GLIS3: variants seen among roughly 807,000 people sequenced by gnomAD.
The protein encoded by GLIS3 is zinc finger protein GLIS3.
A neutral mutation model predicts 78.6 loss-of-function variants in GLIS3; 53 were observed. The observed-to-expected ratio is 0.67, with a 90% CI of 0.54 to 0.85. The LOEUF (loss-of-function observed/expected upper bound fraction) is 0.85, where lower values mean the gene tolerates loss of function less well. Among genes scored for constraint, GLIS3 ranks in the 40% least tolerant of loss-of-function variants. The pLI, the probability that GLIS3 is intolerant of heterozygous loss-of-function variation, is 0.00. For synonymous variants in GLIS3, 684 were observed against 509.9 expected (o/e 1.34, Z -4.60); for missense variants, 1,703 against 1,231.1 (o/e 1.38, Z -5.74).
intron 4 of GLIS3, among the ~76,000 whole-genome samples, chr9:3,992,290 T>A (rs1187468726): frequency 6.6e-6 from 1 of 152,194 alleles, no homozygotes; most frequent in African/African-American, 2.4e-5. Context: ...TTCATTTCAG[T>A]TATATGAAAT....
At chr9:4,457,466 T>C in the GLIS3 span, among the ~76,000 whole-genome samples, 1 of 152,106 alleles carries the variant, frequency 6.6e-6, no homozygotes. Flanking sequence ...TAGCTGAACA[T>C]CTTTCACTCT....
chr9:3,970,448 A>T (rs1277445931), intron 4 of GLIS3, among the ~76,000 whole-genome samples: 1 of 152,208 alleles, frequency 6.6e-6, no homozygotes, highest in Admixed American at 6.5e-5. Context: ...GGGCAAACAA[A>T]TGCATTATTT....
the GLIS3 span, among the ~76,000 whole-genome samples, chr9:4,355,884 TG>T: frequency 6.6e-6 from 1 of 152,162 alleles, no homozygotes. Flanking sequence ...GGGAAAGTCC[TG>T]GGGGCAATGA....
intron 2 of GLIS3, among the ~76,000 whole-genome samples, chr9:4,189,497 A>G (rs1262870558): frequency 9.9e-5 from 15 of 152,066 alleles, no homozygotes; most frequent in Non-Finnish European, 2.9e-5. Context: ...AGTTCTGTAG[A>G]TGTCTATTAG....
At chr9:4,049,815 G>A (rs1194706842) in intron 4 of GLIS3, among the ~76,000 whole-genome samples, 1 of 152,126 alleles carries the variant, frequency 6.6e-6, no homozygotes, top group African/African-American at 2.4e-5. Flanking sequence ...CTCGAAAGAA[G>A]ACATTTATGC....
At chr9:4,093,800 T>C (rs1829715874) in intron 4 of GLIS3, among the ~76,000 whole-genome samples, 1 of 152,292 alleles carries the variant, frequency 6.6e-6, no homozygotes, top group South Asian at 2.1e-4. Flanking sequence ...TATTTTTAAA[T>C]TTTAGGCCAT....
intron 2 of GLIS3, 103 bp downstream of exon 2, chr9:4,285,935 A>G (rs1827948932): frequency 7.3e-7 from 1 of 1,366,024 alleles, no homozygotes; most frequent in Non-Finnish European, 1.0e-6. Context: ...TTTGACCCTG[A>G]CACTGAATCA....
At chr9:4,019,351 T>C (rs1822687254) in intron 4 of GLIS3, among the ~76,000 whole-genome samples, 1 of 151,986 alleles carries the variant, frequency 6.6e-6, no homozygotes, top group African/African-American at 2.4e-5. Flanking sequence ...AATACAGAGG[T>C]AGGAATAGAC....
intron 2 of GLIS3, among the ~76,000 whole-genome samples, chr9:4,162,642 G>T (rs974247984): frequency 6.6e-6 from 1 of 151,916 alleles, no homozygotes; most frequent in African/African-American, 2.4e-5. Flanking sequence ...GGCAGATCAC[G>T]AGGTCAGATC....
At chr9:4,398,629 C>A in the GLIS3 span, among the ~76,000 whole-genome samples, 2 of 152,134 alleles carry the variant, frequency 1.3e-5, no homozygotes, top group African/African-American at 4.8e-5. Flanking sequence ...CCCTCTTCCC[C>A]TGGCCCCAAT....
the GLIS3 span, among the ~76,000 whole-genome samples, chr9:4,401,194 G>A: frequency 1.3e-5 from 2 of 152,112 alleles, no homozygotes; most frequent in East Asian, 1.9e-4. Flanking sequence ...TCCCTCAATG[G>A]TGAGTCCCAG....
intron 9 of GLIS3, 102 bp from the exon 10 acceptor site, chr9:3,829,594 A>G: frequency 8.4e-7 from 1 of 1,186,224 alleles, no homozygotes; most frequent in South Asian, 1.3e-5. Flanking sequence ...TTCCTAAGAC[A>G]AATGCCTTTA....
rs563632931 is a variant in GLIS3 at position 4,246,712 on chromosome 9, C to T, written c.388+39326G>A. ...ATGTAAGAGCTGGTCTCATCCTTTA[C>T]CTCCTATCATTTCCTAAAACAAAAC... On this transcript the variant is annotated intron_variant, in intron 2 of 10. Coordinates refer to ENST00000381971, the MANE Select transcript of GLIS3 (RefSeq NM_001042413.2). Among the ~76,000 whole-genome samples the T allele has an allele frequency of 3.8e-4, 58 of 152,294 alleles. 1 individual carries two copies. The South Asian group carries it at 0.011, about 28-fold the overall frequency.
At chr9:4,085,848 C>G (rs573545244) in intron 4 of GLIS3, among the ~76,000 whole-genome samples, 1 of 152,290 alleles carries the variant, frequency 6.6e-6, no homozygotes, top group Admixed American at 6.5e-5. Flanking sequence ...TGAGTAGAAA[C>G]TTCCTGAGGC....
chr9:3,855,764 A>C, intron 9 of GLIS3: 1 of 501,608 alleles, frequency 2.0e-6, no homozygotes, highest in South Asian at 2.0e-5. Flanking sequence ...GCCCTGGCCA[A>C]TGAAAAAACC....
the GLIS3 span, among the ~76,000 whole-genome samples, chr9:4,381,298 G>C: frequency 6.6e-6 from 1 of 151,196 alleles, no homozygotes; most frequent in Admixed American, 6.6e-5. Context: ...AAAGTATAAA[G>C]AATGAATTAC....
At chr9:4,134,785 A>C (rs1833272330) in intron 2 of GLIS3, among the ~76,000 whole-genome samples, 1 of 152,174 alleles carries the variant, frequency 6.6e-6, no homozygotes, top group Non-Finnish European at 1.5e-5. Flanking sequence ...CTTCTCTGTC[A>C]AAGTAGAAAG....
chr9:3,828,720 G>C (rs1473477724), intron 10 of GLIS3, among the ~76,000 whole-genome samples: 2 of 152,202 alleles, frequency 1.3e-5, no homozygotes, highest in Non-Finnish European at 2.9e-5. Flanking sequence ...AAAGAGAATG[G>C]AATTCTCACA....
chr9:4,136,218 C>T (rs927457780), intron 2 of GLIS3, among the ~76,000 whole-genome samples: 3 of 152,258 alleles, frequency 2.0e-5, no homozygotes, highest in African/African-American at 2.4e-5. Context: ...CACCTAGGAA[C>T]AATCGGATAA....
Sources: gnomAD v4.1 joint callset for allele counts (sites outside exome capture counted in the v4.1 genomes callset) on GRCh38, gnomAD v4.1.1 for gene constraint, MANE v1.5 for transcripts, NCBI Gene and HGNC (gene_info 2026-07-23, HGNC 2026-07-21) for gene names.